TENM2: variants seen among roughly 807,000 people sequenced by gnomAD.
TENM2 encodes the protein teneurin-2.
Under a neutral mutation model 245.2 loss-of-function variants are expected in TENM2, and 52 were observed. The ratio of observed to expected loss-of-function variants is 0.21; its 90% confidence interval spans 0.17 to 0.27. The LOEUF (loss-of-function observed/expected upper bound fraction) is 0.27, where lower values mean the gene tolerates loss of function less well. Ranked by LOEUF, TENM2 falls within the 10% of genes least tolerant of loss-of-function variation. The pLI is 1.00. For synonymous variants in TENM2, 1,363 were observed against 1,438.9 expected (o/e 0.95, Z 1.19); for missense variants, 3,046 against 3,666.8 (o/e 0.83, Z 4.37).
rs185203755 is a variant in TENM2 at position 168,258,964 on chromosome 5, C to T, written c.7433-1319C>T. Among the ~76,000 whole-genome samples the T allele has an allele frequency of 1.8e-4, 28 of 151,950 alleles. No homozygotes were observed. The East Asian group carries it at 4.8e-3, about 26-fold the overall frequency. ...TTGGGAGGCCAAGGTGGAAGGATCACCTGAGGTTAGGAGTTGGAGACCAGC... is the reference window on the plus strand; with the variant it reads ...TTGGGAGGCCAAGGTGGAAGGATCATCTGAGGTTAGGAGTTGGAGACCAGC... On this transcript the variant is annotated intron_variant, in intron 27 of 28. Coordinates refer to ENST00000518659, the Ensembl canonical transcript of TENM2.
chr5:167,196,212 C>T, the TENM2 span, among the ~76,000 whole-genome samples: 1 of 151,840 alleles, frequency 6.6e-6, no homozygotes, highest in African/African-American at 2.4e-5. Flanking sequence ...TGTTTCTAAA[C>T]ATATAAACAT....
intron 2 of TENM2, among the ~76,000 whole-genome samples, chr5:167,477,292 T>C (rs1468044302): frequency 6.8e-6 from 1 of 147,740 alleles, no homozygotes; most frequent in Non-Finnish European, 1.5e-5. Context: ...ATACCATGAC[T>C]AGTAAAACAA....
chr5:167,889,963 G>A (rs1295362951), intron 3 of TENM2, among the ~76,000 whole-genome samples: 8 of 152,038 alleles, frequency 5.3e-5, no homozygotes, highest in African/African-American at 1.2e-4. Context: ...TCAAATTGCT[G>A]AAAGGGTTCA....
At chr5:167,102,292 G>C in the TENM2 span, among the ~76,000 whole-genome samples, 3 of 152,052 alleles carry the variant, frequency 2.0e-5, no homozygotes, top group Non-Finnish European at 4.4e-5. Flanking sequence ...ATAGCATATT[G>C]AGCAAAAGAG....
chr5:167,805,324 A>C (rs777302909), intron 2 of TENM2, among the ~76,000 whole-genome samples: 2 of 152,196 alleles, frequency 1.3e-5, no homozygotes, highest in Admixed American at 6.5e-5. Flanking sequence ...TTAAAAGAAT[A>C]GGTATTGGCT....
At chr5:167,234,171 C>T in the TENM2 span, among the ~76,000 whole-genome samples, 1 of 152,142 alleles carries the variant, frequency 6.6e-6, no homozygotes, top group African/African-American at 2.4e-5. Flanking sequence ...TTTGTGTATC[C>T]AGATGAAACA....
intron 3 of TENM2, among the ~76,000 whole-genome samples, chr5:167,901,604 G>A (rs1053442430): frequency 2.6e-5 from 4 of 152,150 alleles, no homozygotes; most frequent in Non-Finnish European, 5.9e-5. Flanking sequence ...TTGTGAGAAG[G>A]AATAAATTAG....
At chr5:167,916,873 G>A (rs992882755) in intron 3 of TENM2, among the ~76,000 whole-genome samples, 1 of 152,234 alleles carries the variant, frequency 6.6e-6, no homozygotes. Flanking sequence ...CAGAACAGCA[G>A]CAGCCGCAGC....
chr5:167,489,539 T>C (rs1051564750), intron 2 of TENM2, among the ~76,000 whole-genome samples: 2 of 152,172 alleles, frequency 1.3e-5, no homozygotes, highest in South Asian at 4.1e-4. Context: ...TTCAGCATTC[T>C]CTCCCTCCCT....
Position 167,336,682 on chromosome 5 carries a change from A to G in TENM2, c.227-38516A>G, listed in dbSNP as rs969585220. The stretch of plus-strand genomic sequence containing the variant: ...TTATCATACCCTTTGAGAATTCCTA[A>G]TCTGAAAATCTGAAATTCAAAATGC... On this transcript the variant is annotated intron_variant, in intron 1 of 28. Transcript: ENST00000518659. Among the ~76,000 whole-genome samples, 13 of 152,198 alleles carry G rather than the reference A, an allele frequency of 8.5e-5. No homozygotes were observed. In the South Asian group the frequency reaches 1.9e-3, roughly 22 times the overall value.
chr5:168,159,442 C>T (rs527787941), intron 12 of TENM2, among the ~76,000 whole-genome samples: 35 of 152,288 alleles, frequency 2.3e-4, no homozygotes, highest in Middle Eastern at 3.4e-3. Context: ...AATCCAACTT[C>T]GGTTATAGCA....
chr5:167,725,140 G>C (rs968618298), intron 2 of TENM2, among the ~76,000 whole-genome samples: 1 of 152,034 alleles, frequency 6.6e-6, no homozygotes, highest in African/African-American at 2.4e-5. Flanking sequence ...TAAATACATG[G>C]GAAATGGATT....
chr5:167,985,478 G>A (rs1271422347), intron 4 of TENM2, among the ~76,000 whole-genome samples: 1 of 152,136 alleles, frequency 6.6e-6, no homozygotes, highest in African/African-American at 2.4e-5. Context: ...TTTCAAAAAC[G>A]TTTGCTGCCG....
At chr5:168,059,467 T>A (rs248000) in intron 6 of TENM2, among the ~76,000 whole-genome samples, 40,418 of 152,046 alleles carry the variant, frequency 0.27, 6,165 homozygotes, top group Non-Finnish European at 0.34. Context: ...TAAAGTTTTC[T>A]TTTTTTATTT....
chr5:167,173,616 T>C, the TENM2 span, among the ~76,000 whole-genome samples: 1 of 152,112 alleles, frequency 6.6e-6, no homozygotes, highest in African/African-American at 2.4e-5. Context: ...CCTAAGTTAA[T>C]GAAGGAAGAG....
At chr5:167,600,237 A>G (rs911208710) in intron 2 of TENM2, among the ~76,000 whole-genome samples, 9 of 151,496 alleles carry the variant, frequency 5.9e-5, no homozygotes, top group African/African-American at 2.2e-4. Context: ...GTTTTATTCT[A>G]TGCATTTAAC....
chr5:168,144,768 A>G (rs943776293), intron 12 of TENM2, among the ~76,000 whole-genome samples: 1 of 152,170 alleles, frequency 6.6e-6, no homozygotes, highest in African/African-American at 2.4e-5. Context: ...TGACTTCCAC[A>G]TGGTTGAACT....
chr5:167,690,966 T>TA (rs1757397620), intron 2 of TENM2, among the ~76,000 whole-genome samples: 2 of 145,348 alleles, frequency 1.4e-5, no homozygotes, highest in African/African-American at 5.2e-5. Flanking sequence ...TGTGTGTGTG[T>TA]GTGTAGAGAG....
At chr5:168,154,121 C>T (rs1305453695) in intron 12 of TENM2, among the ~76,000 whole-genome samples, 1 of 131,340 alleles carries the variant, frequency 7.6e-6, no homozygotes, top group East Asian at 2.6e-4. Context: ...CCTAAATTCT[C>T]CATTTCCTCA....
Sources: allele counts gnomAD v4.1 joint callset (sites outside exome capture counted in the v4.1 genomes callset), GRCh38; gene constraint gnomAD v4.1.1; transcripts MANE v1.5; gene names NCBI Gene and HGNC (gene_info 2026-07-23, HGNC 2026-07-21).